The following MSH3 variants were observed in gnomAD, a reference collection of about 807,000 sequenced individuals.
MSH3 encodes mutS homolog 3.
In MSH3, 106 loss-of-function variants were observed where a neutral mutation model predicts 123.3. That is an observed-to-expected ratio of 0.86 (90% CI 0.73 to 1.01). The LOEUF (loss-of-function observed/expected upper bound fraction) is 1.01, where lower values mean the gene tolerates loss of function less well. Among genes scored for constraint, MSH3 ranks in the 50% least tolerant of loss-of-function variants. The pLI is 0.00. For missense variants in MSH3, 1,459 were observed against 1,347.6 expected (o/e 1.08, Z -1.29); for synonymous variants, 515 against 481.4 (o/e 1.07, Z -0.91).
rs1289418176 is a variant in MSH3 at position 80,654,894 on chromosome 5, C to T, written c.167C>T (p.Ala56Val). The change falls in exon 1 of 24, where the codon GCG becomes GTG. Residue 56 changes from alanine (A) to valine (V), a missense_variant. Coordinates refer to ENST00000265081, the MANE Select transcript of MSH3 (RefSeq NM_002439.5). The part of the protein sequence containing the change: ...QVDPGAAAAA[A>V]AAAAAAPPAP... ...GACCCTGGCGCTGCAGCGGCTGCAG[C>T]GGCCGCAGCGGCCGCAGCGCCCCCA... The T allele has an allele frequency of 2.4e-6, 2 of 818,664 alleles. No individual in the cohort carries two copies. The highest frequency in any genetic ancestry group is 3.3e-6 in the Non-Finnish European group (2 of 599,996). 50.7% of individuals were successfully genotyped at this position (818,664 alleles called of 1,614,324 possible). A position where few individuals can be genotyped will look rare whatever the true frequency, so the allele number is the denominator to read the frequency against.
intron 13 of MSH3, among the ~76,000 whole-genome samples, chr5:80,767,398 C>CT (rs1744141148): frequency 6.6e-6 from 1 of 152,004 alleles, no homozygotes; most frequent in African/African-American, 2.4e-5. Context: ...GCTTTTAAAT[C>CT]TTTGGCGTTC....
intron 20 of MSH3, among the ~76,000 whole-genome samples, chr5:80,822,928 C>T (rs190436627): frequency 9.3e-4 from 141 of 152,298 alleles, no homozygotes; most frequent in Middle Eastern, 6.8e-3. Context: ...AGAACAACCA[C>T]CAAATTTGTT....
intron 10 of MSH3, among the ~76,000 whole-genome samples, chr5:80,731,419 G>T (rs1339811942): frequency 6.6e-6 from 1 of 151,996 alleles, no homozygotes; most frequent in Non-Finnish European, 1.5e-5. Context: ...TACCTGTTGG[G>T]TACTTCCATG....
chr5:80,748,813 GA>G (rs1743773040), intron 12 of MSH3, among the ~76,000 whole-genome samples: 1 of 151,358 alleles, frequency 6.6e-6, no homozygotes, highest in Non-Finnish European at 1.5e-5. Context: ...GAGAAAAAAA[GA>G]AAACCGTGAG....
chr5:80,746,460 A>G (rs759086029), intron 12 of MSH3: 15 of 495,990 alleles, frequency 3.0e-5, no homozygotes, highest in Non-Finnish European at 5.3e-5. Context: ...TTGTATTGGC[A>G]ACAGTCTTGT....
chr5:80,836,551 A>C (rs1172522121), intron 20 of MSH3, among the ~76,000 whole-genome samples: 5 of 139,502 alleles, frequency 3.6e-5, no homozygotes, highest in African/African-American at 1.2e-4. Context: ...CACAAAAAAA[A>C]AAAAAAAAAA....
chr5:80,665,241 A>G lies in MSH3; in HGVS notation c.457A>G (p.Thr153Ala). ...DSALPQSRVQ[T>A]ESLQERFAVL... ...TGCCCTTCCTCAAAGTAGAGTCCAG[A>G]CAGAATCTCTGCAGGAGAGATTTGC... The change falls in exon 3 of 24, where the codon ACA becomes GCA. Residue 153 changes from threonine (T) to alanine (A), a missense_variant. Transcript: ENST00000265081. The G allele has an allele frequency of 6.2e-7, 1 of 1,614,058 alleles. No individual in the cohort carries two copies. Among genetic ancestry groups the G allele is most frequent in the Non-Finnish European group, 8.5e-7 (1 of 1,179,928 alleles).
chr5:80,758,046 A>G (rs1248467096), intron 12 of MSH3, among the ~76,000 whole-genome samples: 1 of 152,158 alleles, frequency 6.6e-6, no homozygotes, highest in Non-Finnish European at 1.5e-5. Flanking sequence ...ATAATTATTA[A>G]TAGTTACATT....
At chr5:80,827,485 C>T (rs1745339725) in intron 20 of MSH3, among the ~76,000 whole-genome samples, 2 of 152,284 alleles carry the variant, frequency 1.3e-5, no homozygotes, top group African/African-American at 2.4e-5. Flanking sequence ...AGTATTTGTA[C>T]TCTATACAAA....
At chr5:80,802,773 A>G (rs1427159412) in intron 19 of MSH3, among the ~76,000 whole-genome samples, 1 of 152,028 alleles carries the variant, frequency 6.6e-6, no homozygotes, top group Non-Finnish European at 1.5e-5. Flanking sequence ...TATCTCCATG[A>G]GTTTAATTGT....
At chr5:80,801,237 G>C (rs540829166) in intron 19 of MSH3, among the ~76,000 whole-genome samples, 146 of 152,320 alleles carry the variant, frequency 9.6e-4, no homozygotes, top group Non-Finnish European at 1.6e-3. Flanking sequence ...GCTGCCCTAT[G>C]GAGAGTGGAT....
intron 19 of MSH3, among the ~76,000 whole-genome samples, chr5:80,807,994 G>A (rs2112046023): frequency 6.6e-6 from 1 of 152,244 alleles, no homozygotes. Flanking sequence ...TTGAGGACCT[G>A]CTGTATTTTT....
intron 20 of MSH3, among the ~76,000 whole-genome samples, chr5:80,815,921 T>C (rs1745095711): frequency 6.6e-6 from 1 of 152,228 alleles, no homozygotes; most frequent in Non-Finnish European, 1.5e-5. Context: ...AGCCAACCTT[T>C]ATGATATATT....
chr5:80,797,201 A>T (rs1185353019), intron 19 of MSH3, among the ~76,000 whole-genome samples: 1 of 151,214 alleles, frequency 6.6e-6, no homozygotes, highest in Non-Finnish European at 1.5e-5. Flanking sequence ...TACCCTCGCC[A>T]CTCTATTTCT....
At chr5:80,682,828 A>G (rs527681538) in intron 8 of MSH3, among the ~76,000 whole-genome samples, 2 of 151,760 alleles carry the variant, frequency 1.3e-5, no homozygotes, top group East Asian at 3.9e-4. Context: ...TATTCTTTCT[A>G]TTTTTTTTGT....
chr5:80,757,201 C>T (rs1488445774), intron 12 of MSH3, among the ~76,000 whole-genome samples: 2 of 151,922 alleles, frequency 1.3e-5, no homozygotes, highest in Non-Finnish European at 2.9e-5. Flanking sequence ...TATCCATCAC[C>T]CCAAGCATTT....
chr5:80,686,107 A>G (rs1334874398), intron 8 of MSH3, among the ~76,000 whole-genome samples: 2 of 152,206 alleles, frequency 1.3e-5, no homozygotes, highest in African/African-American at 2.4e-5. Context: ...CATTCATGCT[A>G]TAATGATCAG....
At chr5:80,779,037 G>T (rs942479323) in intron 17 of MSH3, among the ~76,000 whole-genome samples, 2 of 149,498 alleles carry the variant, frequency 1.3e-5, no homozygotes. Context: ...TGTCACCGAG[G>T]CTGGAGTGCA....
intron 9 of MSH3, among the ~76,000 whole-genome samples, chr5:80,726,654 A>G (rs751860028): frequency 6.6e-6 from 1 of 151,930 alleles, no homozygotes; most frequent in Non-Finnish European, 1.5e-5. Flanking sequence ...TTTTTTGTAG[A>G]GGTGGGGTTT....
Sources: gnomAD v4.1 joint callset for allele counts (sites outside exome capture counted in the v4.1 genomes callset) on GRCh38, gnomAD v4.1.1 for gene constraint, MANE v1.5 for transcripts, NCBI Gene and HGNC (gene_info 2026-07-23, HGNC 2026-07-21) for gene names.